The following GABRA4 variants were observed in gnomAD, a reference collection of about 807,000 sequenced individuals.
GABRA4 encodes the protein gamma-aminobutyric acid type A receptor subunit alpha4.
GABRA4 carries 12 observed loss-of-function variants against 49.7 expected under a neutral mutation model. The observed-to-expected ratio is 0.24, with a 90% CI of 0.15 to 0.39. The LOEUF (loss-of-function observed/expected upper bound fraction) is 0.39. Ranked by LOEUF, GABRA4 falls within the 10% of genes least tolerant of loss-of-function variation. The probability of loss-of-function intolerance (pLI) is 1.00; values close to 1 mark genes in which losing one functional copy is unlikely to be tolerated. For missense variants in GABRA4, 506 were observed against 686.0 expected (o/e 0.74, Z 2.93); for synonymous variants, 288 against 240.2 (o/e 1.20, Z -1.84).
At chr4:46,935,039 G>GAA (rs1721562436) in intron 8 of GABRA4, among the ~76,000 whole-genome samples, 1 of 152,200 alleles carries the variant, frequency 6.6e-6, no homozygotes, top group Non-Finnish European at 1.5e-5. Flanking sequence ...ATGTAGAAAA[G>GAA]CAGTATTGTG....
chr4:46,977,336 GGAAGGAAGGAA>G (rs1723178749), intron 4 of GABRA4, 63 bp downstream of exon 4: 1 of 852,086 alleles, frequency 1.2e-6, no homozygotes, highest in African/African-American at 1.8e-5. Context: ...GAGGAAGGAA[GGAAGGAAGGAA>G]GAAAGGAAAG....
chr4:46,967,354 CTT>C (rs760917754), intron 7 of GABRA4, among the ~76,000 whole-genome samples: 3 of 143,564 alleles, frequency 2.1e-5, no homozygotes, highest in Admixed American at 7.0e-5. Flanking sequence ...TTACTTTGAA[CTT>C]TTTTTTTTTT....
intron 8 of GABRA4, among the ~76,000 whole-genome samples, chr4:46,959,357 T>C (rs539192852): frequency 1.3e-5 from 2 of 151,966 alleles, no homozygotes; most frequent in African/African-American, 2.4e-5. Flanking sequence ...TACACATACA[T>C]AGTCACACAT....
At chr4:46,985,094 T>C (rs1021848812) in intron 2 of GABRA4, among the ~76,000 whole-genome samples, 1 of 152,026 alleles carries the variant, frequency 6.6e-6, no homozygotes, top group Non-Finnish European at 1.5e-5. Context: ...TCAAAATGAA[T>C]GATCTATTGC....
intron 8 of GABRA4, among the ~76,000 whole-genome samples, chr4:46,941,733 A>C (rs1213661705): frequency 6.6e-6 from 1 of 152,104 alleles, no homozygotes; most frequent in Non-Finnish European, 1.5e-5. Context: ...CATTTTATTT[A>C]GTTTTCCTAG....
At position 46,925,482 on chromosome 4, in the gene GABRA4, T is replaced by A. The variant is rs1015605328; in HGVS notation, c.*2743A>T. On this transcript the variant is annotated 3_prime_UTR_variant, in exon 9 of 9. Transcript: ENST00000264318. ...TTCTGAATTTCATCTTTAAAAGAGT[T>A]ATATAAAGGTACCATTCTCAGCCAA... The A allele has an allele frequency of 6.6e-6, 1 of 151,748 alleles. No homozygotes were observed. Among genetic ancestry groups the A allele is most frequent in the African/African-American group, 2.4e-5 (1 of 41,388 alleles). The allele number at this position is 151,748 out of a possible 1,614,324, so 9.4% of individuals were successfully genotyped here. A position where few individuals can be genotyped will look rare whatever the true frequency, so the allele number is the denominator to read the frequency against.
At chr4:46,965,471 C>T (rs2280074) in intron 7 of GABRA4, among the ~76,000 whole-genome samples, 79,013 of 151,556 alleles carry the variant, frequency 0.52, 20,906 homozygotes, top group East Asian at 0.7. Flanking sequence ...TTAATATGTC[C>T]TGCCTTGAGT....
At chr4:46,992,467 C>T (rs1439856437) in intron 2 of GABRA4, among the ~76,000 whole-genome samples, 1 of 152,174 alleles carries the variant, frequency 6.6e-6, no homozygotes, top group African/African-American at 2.4e-5. Flanking sequence ...TCCAATGCAA[C>T]CTGCTCTGAG....
chr4:46,975,371 C>G (rs1348906535), intron 5 of GABRA4, among the ~76,000 whole-genome samples: 1 of 151,972 alleles, frequency 6.6e-6, no homozygotes, highest in Non-Finnish European at 1.5e-5. Flanking sequence ...TATATTCACA[C>G]TTCAGTAAAC....
intron 8 of GABRA4, among the ~76,000 whole-genome samples, chr4:46,929,443 C>T (rs1031167490): frequency 6.6e-6 from 1 of 151,762 alleles, no homozygotes; most frequent in Admixed American, 6.6e-5. Flanking sequence ...CAGCATCAAC[C>T]AACAGTTGCA....
chr4:46,960,382 A>G (rs1380355294), intron 8 of GABRA4, among the ~76,000 whole-genome samples: 1 of 151,752 alleles, frequency 6.6e-6, no homozygotes, highest in Non-Finnish European at 1.5e-5. Flanking sequence ...TCAAGATAAT[A>G]AAAGGTTATA....
rs1237343657 is a variant in GABRA4 at position 46,926,974 on chromosome 4, A to G, written c.*1251T>C. 1 of 151,956 alleles carries G rather than the reference A, an allele frequency of 6.6e-6. No individual in the cohort carries two copies. Among genetic ancestry groups the G allele is most frequent in the Non-Finnish European group, 1.5e-5 (1 of 67,912 alleles). The allele number at this position is 151,956 out of a possible 1,614,324, so 9.4% of individuals were successfully genotyped here. A position where few individuals can be genotyped will look rare whatever the true frequency, so the allele number is the denominator to read the frequency against. On this transcript the variant is annotated 3_prime_UTR_variant, in exon 9 of 9. Transcript: ENST00000264318. Reference sequence around the variant, plus strand: ...AAAACCAACATGATGACTGCCCAGAATTACAGAACTACGGACACAAAACTC... The same window carrying G: ...AAAACCAACATGATGACTGCCCAGAGTTACAGAACTACGGACACAAAACTC...
intron 8 of GABRA4, among the ~76,000 whole-genome samples, chr4:46,935,149 T>C (rs1721565168): frequency 6.6e-6 from 1 of 152,158 alleles, no homozygotes; most frequent in South Asian, 2.1e-4. Context: ...AGCTATGCCA[T>C]TGCCAGTGAT....
chr4:46,946,994 T>G (rs906988282), intron 8 of GABRA4, among the ~76,000 whole-genome samples: 6 of 152,050 alleles, frequency 3.9e-5, no homozygotes, highest in Admixed American at 3.9e-4. Context: ...TCCAGAATAC[T>G]AAAATCAGAA....
chr4:46,988,422 T>C (rs1288710265), intron 2 of GABRA4, among the ~76,000 whole-genome samples: 1 of 152,156 alleles, frequency 6.6e-6, no homozygotes, highest in African/African-American at 2.4e-5. Context: ...ATGGGACAAA[T>C]TGGAAGAGAA....
At chr4:46,987,320 A>G (rs1020226952) in intron 2 of GABRA4, among the ~76,000 whole-genome samples, 2 of 152,172 alleles carry the variant, frequency 1.3e-5, no homozygotes, top group African/African-American at 4.8e-5. Context: ...AATTACGACC[A>G]GTATTCAAAC....
At chr4:46,986,036 C>T (rs189934071) in intron 2 of GABRA4, among the ~76,000 whole-genome samples, 2 of 152,178 alleles carry the variant, frequency 1.3e-5, no homozygotes, top group East Asian at 3.9e-4. Context: ...TGAAAAAAAT[C>T]TATCAACGGT....
At chr4:46,962,238 C>T (rs774410418) in intron 8 of GABRA4, among the ~76,000 whole-genome samples, 8 of 151,200 alleles carry the variant, frequency 5.3e-5, no homozygotes, top group Non-Finnish European at 8.9e-5. Flanking sequence ...ACTATTAGAA[C>T]GGATAAGCAA....
chr4:46,949,462 A>G (rs1722089700), intron 8 of GABRA4, among the ~76,000 whole-genome samples: 1 of 152,106 alleles, frequency 6.6e-6, no homozygotes, highest in Non-Finnish European at 1.5e-5. Context: ...TAACCTGGGT[A>G]GGCCACAAGG....
Sources: allele counts gnomAD v4.1 joint callset (sites outside exome capture counted in the v4.1 genomes callset), GRCh38; gene constraint gnomAD v4.1.1; transcripts MANE v1.5; gene names NCBI Gene and HGNC (gene_info 2026-07-23, HGNC 2026-07-21).